TFAP2D: variants seen among roughly 807,000 people sequenced by gnomAD.
TFAP2D encodes the protein transcription factor AP-2 delta.
TFAP2D carries 9 observed loss-of-function variants against 43.6 expected under a neutral mutation model. That is an observed-to-expected ratio of 0.21 (90% CI 0.12 to 0.36). The LOEUF (loss-of-function observed/expected upper bound fraction) is 0.36. TFAP2D is among the 10% of genes least tolerant of loss of function. TFAP2D has a pLI of 1.00. For synonymous variants in TFAP2D, 256 were observed against 224.9 expected (o/e 1.14, Z -1.24); for missense variants, 513 against 561.4 (o/e 0.91, Z 0.87).
At chr6:50,743,853 G>A (rs1769088623) in intron 5 of TFAP2D, among the ~76,000 whole-genome samples, 1 of 151,876 alleles carries the variant, frequency 6.6e-6, no homozygotes, top group Admixed American at 6.6e-5. Context: ...ATTCATATAG[G>A]TGCAATAAAA....
chr6:50,766,798 A>G (rs948112474), intron 7 of TFAP2D, among the ~76,000 whole-genome samples: 12 of 150,658 alleles, frequency 8.0e-5, no homozygotes, highest in Admixed American at 6.6e-4. Context: ...CCTCCCGAGT[A>G]GCTGGGACTA....
intron 2 of TFAP2D, among the ~76,000 whole-genome samples, chr6:50,717,201 A>G (rs939608679): frequency 2.6e-5 from 4 of 152,170 alleles, no homozygotes; most frequent in African/African-American, 9.7e-5. Context: ...AGCATTTTTC[A>G]AAAGAGCGGA....
intron 3 of TFAP2D, among the ~76,000 whole-genome samples, chr6:50,725,654 G>A (rs1334381997): frequency 6.6e-6 from 1 of 152,130 alleles, no homozygotes; most frequent in Non-Finnish European, 1.5e-5. Context: ...GTGGGCCAAC[G>A]TTTCATAACA....
intron 5 of TFAP2D, among the ~76,000 whole-genome samples, chr6:50,743,020 A>G (rs1769075178): frequency 6.7e-6 from 1 of 148,366 alleles, no homozygotes; most frequent in Admixed American, 6.8e-5. Flanking sequence ...CTTCTGCCAA[A>G]TATTCACATA....
At chr6:50,724,983 C>T (rs187684706) in intron 3 of TFAP2D, among the ~76,000 whole-genome samples, 1 of 152,112 alleles carries the variant, frequency 6.6e-6, no homozygotes, top group East Asian at 1.9e-4. Flanking sequence ...GATGGACAGA[C>T]TAGACCCAGA....
At chr6:50,725,095 T>G (rs1768789383) in intron 3 of TFAP2D, among the ~76,000 whole-genome samples, 1 of 152,156 alleles carries the variant, frequency 6.6e-6, no homozygotes, top group African/African-American at 2.4e-5. Flanking sequence ...ACTGGCCAGA[T>G]GTCCCCTGTT....
At chr6:50,745,668 C>T (rs545306561) in intron 6 of TFAP2D, among the ~76,000 whole-genome samples, 4 of 152,098 alleles carry the variant, frequency 2.6e-5, no homozygotes, top group Non-Finnish European at 4.4e-5. Flanking sequence ...GATGAGGTCA[C>T]ACGTTGGTGA....
intron 3 of TFAP2D, among the ~76,000 whole-genome samples, chr6:50,719,478 A>AAAGAAAGAAAGAAAGAAAGGAAGG (rs1554151938): frequency 1.5e-5 from 2 of 137,534 alleles, no homozygotes; most frequent in African/African-American, 5.0e-5. Flanking sequence ...AGAAAGAAAG[A>AAAGAAAGAAAGAAAGAAAGGAAGG]AAGAAAGAAA....
Position 50,729,251 on chromosome 6 carries a change from A to G in TFAP2D, c.822A>G (p.Leu274=). ...GAGAGAAATTGGATAGGCTTGGCTTAAACTTACCAGCAGGAAGACGGAAAG... is the reference window on the plus strand; with the variant it reads ...GAGAGAAATTGGATAGGCTTGGCTTGAACTTACCAGCAGGAAGACGGAAAG... ...CLREKLDRLG[L]NLPAGRRKAA... is the part of the protein sequence containing the mutation. The change falls in exon 5 of 8, where the codon TTA becomes TTG. Residue 274 remains leucine, a synonymous_variant. Transcript: ENST00000008391. 2.5e-6 allele frequency: 4 copies of G among 1,614,030 alleles called. No homozygotes were observed. Among genetic ancestry groups the G allele is most frequent in the Non-Finnish European group, 3.4e-6 (4 of 1,179,878 alleles).
Position 50,731,270 on chromosome 6 carries a change from G to T in TFAP2D, c.883+1958G>T, listed in dbSNP as rs1768888952. On this transcript the variant is annotated intron_variant, in intron 5 of 7. Coordinates refer to ENST00000008391, the MANE Select transcript of TFAP2D (RefSeq NM_172238.4). ...AAACAAGATTTTATCCTTTTGAGGA[G>T]CATCTTATCTTAATTGTGTGCTTTT... 2.0e-5 allele frequency among the ~76,000 whole-genome samples: 3 copies of T among 152,048 alleles called. No homozygotes were observed. In the South Asian group the frequency reaches 6.2e-4, roughly 31 times the overall value.
At chr6:50,725,115 C>T (rs566673684) in intron 3 of TFAP2D, among the ~76,000 whole-genome samples, 283 of 152,292 alleles carry the variant, frequency 1.9e-3, no homozygotes, top group African/African-American at 6.6e-3. Flanking sequence ...TATGCCAAGG[C>T]AGCCAAGGTA....
chr6:50,739,389 A>G (rs896734106), intron 5 of TFAP2D, among the ~76,000 whole-genome samples: 2 of 152,160 alleles, frequency 1.3e-5, no homozygotes, highest in East Asian at 3.9e-4. Flanking sequence ...TGTCCCTACA[A>G]AGGACATGAA....
Position 50,772,991 on chromosome 6 carries a change from AC to A in TFAP2D, c.*128del, listed in dbSNP as rs1428502030. The stretch of plus-strand genomic sequence containing the variant: ...CCCTTCCCCAACCCTCCATAAAAAA[AC>A]AAAAATGGAAATGAAAAATGAAACA... On this transcript the variant is annotated 3_prime_UTR_variant, in exon 8 of 8. Coordinates refer to ENST00000008391, the MANE Select transcript of TFAP2D (RefSeq NM_172238.4). The A allele has an allele frequency of 5.5e-6, 5 of 906,794 alleles. No homozygotes were observed. Among genetic ancestry groups the A allele is most frequent in the Non-Finnish European group, 7.9e-6 (5 of 632,632 alleles). 56.2% of individuals were successfully genotyped at this position (906,794 alleles called of 1,614,324 possible). A position where few individuals can be genotyped will look rare whatever the true frequency, so the allele number is the denominator to read the frequency against.
intron 7 of TFAP2D, among the ~76,000 whole-genome samples, chr6:50,763,045 A>G (rs1452889743): frequency 6.6e-6 from 1 of 152,010 alleles, no homozygotes; most frequent in African/African-American, 2.4e-5. Flanking sequence ...TTCTTAGTAT[A>G]TTGCGACACT....
At chr6:50,743,357 TTTG>T (rs1400972270) in intron 5 of TFAP2D, among the ~76,000 whole-genome samples, 1 of 113,106 alleles carries the variant, frequency 8.8e-6, no homozygotes, top group Non-Finnish European at 1.8e-5. Context: ...AATAGTATAT[TTTG>T]TTTTGTTTTG....
intron 3 of TFAP2D, 109 bp from the exon 4 acceptor site, chr6:50,728,747 T>A: frequency 9.3e-7 from 1 of 1,073,178 alleles, no homozygotes; most frequent in Non-Finnish European, 1.4e-6. Flanking sequence ...TAAGTACAAC[T>A]GTTAGCATGT....
intron 3 of TFAP2D, among the ~76,000 whole-genome samples, chr6:50,722,965 G>A (rs939533908): frequency 1.3e-5 from 2 of 152,206 alleles, no homozygotes; most frequent in Non-Finnish European, 2.9e-5. Context: ...AAGAGGGAGC[G>A]GACCCGGCCA....
intron 7 of TFAP2D, among the ~76,000 whole-genome samples, chr6:50,768,034 A>G (rs573349830): frequency 6.6e-6 from 1 of 152,340 alleles, no homozygotes; most frequent in South Asian, 2.1e-4. Flanking sequence ...AACCCTGGTG[A>G]TATTTGCATG....
chr6:50,745,073 T>C (rs1769106550), intron 5 of TFAP2D, 34 bp from the exon 6 acceptor site: 13 of 1,611,312 alleles, frequency 8.1e-6, no homozygotes, highest in Non-Finnish European at 1.1e-5. Context: ...GGTTGGATAC[T>C]GGTGAGAAAC....
Sources: allele counts gnomAD v4.1 joint callset (sites outside exome capture counted in the v4.1 genomes callset), GRCh38; gene constraint gnomAD v4.1.1; transcripts MANE v1.5; gene names NCBI Gene and HGNC (gene_info 2026-07-23, HGNC 2026-07-21).